KITLG: variants seen among roughly 807,000 people sequenced by gnomAD.
KITLG encodes c-Kit ligand.
Under a neutral mutation model 34.1 loss-of-function variants are expected in KITLG, and 13 were observed. That is an observed-to-expected ratio of 0.38 (90% CI 0.25 to 0.61). The LOEUF is 0.61. KITLG is among the 20% of genes least tolerant of loss of function. The pLI is 0.60. For synonymous variants in KITLG, 110 were observed against 104.0 expected (o/e 1.06, Z -0.35); for missense variants, 292 against 318.9 (o/e 0.92, Z 0.64).
chr12:88,522,171 C>A (rs1362736428), intron 3 of KITLG, among the ~76,000 whole-genome samples: 2 of 152,120 alleles, frequency 1.3e-5, no homozygotes, highest in African/African-American at 4.8e-5. Context: ...TATGCACATT[C>A]TAAGACTAAG....
intron 1 of KITLG, chr12:88,546,167 C>T (rs1592577817): frequency 2.3e-6 from 1 of 427,938 alleles, no homozygotes; most frequent in East Asian, 5.7e-5. Flanking sequence ...AAGACTTAGC[C>T]CTTAGGGTAT....
intron 1 of KITLG, among the ~76,000 whole-genome samples, chr12:88,576,645 T>C (rs1871834926): frequency 6.6e-6 from 1 of 152,194 alleles, no homozygotes; most frequent in Admixed American, 6.5e-5. Context: ...ATTTGTCTCA[T>C]GAGTAGTAAA....
chr12:88,580,124 C>G, intron 1 of KITLG, 140 bp downstream of exon 1: 1 of 906,802 alleles, frequency 1.1e-6, no homozygotes, highest in Middle Eastern at 3.1e-4. Flanking sequence ...ACGCCGGCCT[C>G]CCCCGCATCC....
chr12:88,524,343 G>A (rs1213658712), intron 3 of KITLG, among the ~76,000 whole-genome samples: 2 of 152,150 alleles, frequency 1.3e-5, no homozygotes, highest in Admixed American at 6.5e-5. Context: ...ACACAGAAAT[G>A]TGACTATCTT....
intron 1 of KITLG, among the ~76,000 whole-genome samples, chr12:88,571,530 A>G (rs955156682): frequency 7.2e-5 from 11 of 152,224 alleles, no homozygotes; most frequent in Non-Finnish European, 1.3e-4. Flanking sequence ...CTTGCCAGTC[A>G]TGCACCAAAC....
chr12:88,546,487 T>TTC (rs150568477), intron 1 of KITLG, among the ~76,000 whole-genome samples: 7 of 151,030 alleles, frequency 4.6e-5, no homozygotes, highest in South Asian at 2.1e-4. Flanking sequence ...GTAATCTGTC[T>TTC]TCTCTCTCTC....
chr12:88,519,483 C>T (rs916640628), intron 3 of KITLG, among the ~76,000 whole-genome samples: 2 of 152,020 alleles, frequency 1.3e-5, no homozygotes, highest in African/African-American at 2.4e-5. Context: ...TAATTTAATA[C>T]AACTTGTAAC....
At position 88,494,506 on chromosome 12, in the gene KITLG, T is replaced by G. The variant is rs546056014; in HGVS notation, c.*2713A>C. On this transcript the variant is annotated 3_prime_UTR_variant, in exon 10 of 10. Coordinates refer to ENST00000644744, the MANE Select transcript of KITLG (RefSeq NM_000899.5). The stretch of plus-strand genomic sequence containing the variant: ...TCTTTTCACATACTTTTTAAGAGAA[T>G]AGGCTACTTGTTCTATTATTGTATT... The G allele has an allele frequency of 2.2e-4, 34 of 152,564 alleles. No individual in the cohort carries two copies. Among genetic ancestry groups the G allele is most frequent in the African/African-American group, 7.5e-4 (31 of 41,546 alleles). 9.5% of individuals were successfully genotyped at this position (152,564 alleles called of 1,614,324 possible).
intron 2 of KITLG, among the ~76,000 whole-genome samples, chr12:88,543,125 A>G (rs186092660): frequency 1.0e-3 from 152 of 152,214 alleles, no homozygotes; most frequent in African/African-American, 3.0e-3. Context: ...TATTATTATT[A>G]TTATACTTTA....
chr12:88,544,017 G>A (rs2662060), intron 2 of KITLG, among the ~76,000 whole-genome samples: 2,212 of 152,192 alleles, frequency 0.015, 40 homozygotes, highest in African/African-American at 0.046. Context: ...AGGCATGGGC[G>A]TAAGTAGTCA....
At chr12:88,539,301 C>G (rs1451180610) in intron 2 of KITLG, among the ~76,000 whole-genome samples, 1 of 152,114 alleles carries the variant, frequency 6.6e-6, no homozygotes, top group East Asian at 1.9e-4. Context: ...ATCTATGACT[C>G]CCTTGACACT....
chr12:88,506,479 C>A, intron 7 of KITLG, 101 bp from the exon 8 acceptor site: 1 of 836,732 alleles, frequency 1.2e-6, no homozygotes, highest in Non-Finnish European at 2.1e-6. Flanking sequence ...GCAATAACTC[C>A]AATAACAGTT....
chr12:88,538,989 GGGAGAACAGCATTTGGAAATGCT>G (rs1409907444), intron 2 of KITLG, among the ~76,000 whole-genome samples: 1 of 152,154 alleles, frequency 6.6e-6, no homozygotes, highest in Non-Finnish European at 1.5e-5. Flanking sequence ...AAACATCCAT[GGGAGAACAGCATTTGGAAATGCT>G]GGAGACTTGG....
At chr12:88,575,388 C>T (rs1430962569) in intron 1 of KITLG, among the ~76,000 whole-genome samples, 1 of 152,100 alleles carries the variant, frequency 6.6e-6, no homozygotes, top group East Asian at 1.9e-4. Context: ...AAGAAAGAAC[C>T]ATGAGCCCCA....
intron 2 of KITLG, among the ~76,000 whole-genome samples, chr12:88,533,800 C>G (rs1238867517): frequency 3.3e-5 from 5 of 151,962 alleles, no homozygotes; most frequent in Admixed American, 1.3e-4. Context: ...TCTGCTTGGT[C>G]TTGTCAATAG....
At chr12:88,505,417 G>A (rs143503044) in intron 8 of KITLG, among the ~76,000 whole-genome samples, 182 bp from the exon 9 acceptor site, 3 of 152,248 alleles carry the variant, frequency 2.0e-5, no homozygotes, top group Admixed American at 1.3e-4. Flanking sequence ...TTGTCTTAAG[G>A]TAGTCTTTCC....
At chr12:88,529,749 C>T (rs1411746755) in intron 3 of KITLG, among the ~76,000 whole-genome samples, 1 of 152,124 alleles carries the variant, frequency 6.6e-6, no homozygotes, top group South Asian at 2.1e-4. Context: ...AGAGGCCTCC[C>T]CACTGGGAAA....
chr12:88,579,438 C>T (rs977546861), intron 1 of KITLG, among the ~76,000 whole-genome samples: 2 of 151,942 alleles, frequency 1.3e-5, no homozygotes, highest in Non-Finnish European at 2.9e-5. Flanking sequence ...CCTTTCTAAA[C>T]GAAGAACCAG....
At chr12:88,560,397 A>G (rs1871256502) in intron 1 of KITLG, among the ~76,000 whole-genome samples, 1 of 152,186 alleles carries the variant, frequency 6.6e-6, no homozygotes, top group Non-Finnish European at 1.5e-5. Flanking sequence ...TTTTTAAAAA[A>G]TGTGTTTTCT....
Sources: allele counts gnomAD v4.1 joint callset (sites outside exome capture counted in the v4.1 genomes callset), GRCh38; gene constraint gnomAD v4.1.1; transcripts MANE v1.5; gene names NCBI Gene and HGNC (gene_info 2026-07-23, HGNC 2026-07-21).